Variants in VSX1 observed in about 807,000 individuals in gnomAD.
The protein encoded by VSX1 is visual system homeobox 1.
A neutral mutation model predicts 23.6 loss-of-function variants in VSX1; 23 were observed. The observed-to-expected ratio is 0.97, with a 90% CI of 0.70 to 1.38. VSX1 has a LOEUF of 1.38. Ranked by LOEUF, VSX1 falls within the 40% of genes most tolerant of loss-of-function variation. The pLI, the probability that VSX1 is intolerant of heterozygous loss-of-function variation, is 0.00. For synonymous variants in VSX1, 247 were observed against 215.1 expected, an observed-to-expected ratio of 1.15 and a Z score of -1.30; for missense variants, 517 against 495.4, an observed-to-expected ratio of 1.04 and a Z score of -0.41.
In VSX1 at chr20:25,075,933, T is replaced by C. The variant is rs1046201131; in HGVS notation, c.*328A>G. The C allele has an allele frequency of 1.2e-5, 5 of 408,114 alleles. No homozygotes were observed. Among genetic ancestry groups the C allele is most frequent in the African/African-American group, 1.0e-4 (5 of 49,118 alleles). The allele number at this position is 408,114 out of a possible 1,614,324, so 25.3% of individuals were successfully genotyped here. On this transcript the variant is annotated 3_prime_UTR_variant, in exon 5 of 5. Coordinates refer to ENST00000376709, the MANE Select transcript of VSX1 (RefSeq NM_014588.6). Reference sequence around the variant, plus strand: ...TAACCTATTCATCTATACAGTACATTGAACCACACATCTCAAATGATGCCC... The same window carrying C: ...TAACCTATTCATCTATACAGTACATCGAACCACACATCTCAAATGATGCCC...
At position 25,078,925 on chromosome 20, in the gene VSX1, T is replaced by C. The variant is rs778882393; in HGVS notation, c.531A>G (p.Glu177=). The change falls in exon 3 of 5, where the codon GAA becomes GAG. Residue 177 remains glutamate, a synonymous_variant. Coordinates refer to ENST00000376709, the MANE Select transcript of VSX1 (RefSeq NM_014588.6). ...HRTVFTAHQL[E]ELEKAFSEAH... is the part of the protein sequence containing the mutation. ...CCTCGCTGAATGCCTTCTCCAACTC[T>C]TCCAGCTGGTGAGCAGTGAAAACTG... The C allele has an allele frequency of 1.2e-6, 2 of 1,614,142 alleles. No homozygotes were observed. The highest frequency in any genetic ancestry group is 1.7e-6 in the Non-Finnish European group (2 of 1,180,038).
At chr20:25,076,799 C>T (rs978813232) in intron 4 of VSX1, among the ~76,000 whole-genome samples, 1 of 152,140 alleles carries the variant, frequency 6.6e-6, no homozygotes, top group Non-Finnish European at 1.5e-5. Flanking sequence ...CCCACTTTCC[C>T]CTAGGCTGCG....
At chr20:25,071,943 C>T (rs1275717970), downstream of VSX1, 1 of 663,548 alleles carries the variant, frequency 1.5e-6, no homozygotes, top group Non-Finnish European at 2.8e-6. Flanking sequence ...CATCAGGCAC[C>T]ACCACGGGGT....
intron 1 of VSX1, chr20:25,081,457 A>C: frequency 1.2e-6 from 1 of 811,296 alleles, no homozygotes; most frequent in Non-Finnish European, 2.2e-6. Context: ...CGCTGAGGGA[A>C]CAGGACCCCG....
Position 25,075,888 on chromosome 20 carries a change from G to A in VSX1, c.*373C>T, listed in dbSNP as rs1341375337. Reference sequence around the variant, plus strand: ...TTAAACAATTTTATATTTCCTAATTGAGAATGAGGACATCAGACCTAACCT... The same window carrying A: ...TTAAACAATTTTATATTTCCTAATTAAGAATGAGGACATCAGACCTAACCT... On this transcript the variant is annotated 3_prime_UTR_variant, in exon 5 of 5. Transcript: ENST00000376709. 2.6e-5 allele frequency: 6 copies of A among 228,830 alleles called. No individual in the cohort carries two copies. Among genetic ancestry groups the A allele is most frequent in the Non-Finnish European group, 5.2e-5 (6 of 115,808 alleles). 14.2% of individuals were successfully genotyped at this position (228,830 alleles called of 1,614,324 possible). A position where few individuals can be genotyped will look rare whatever the true frequency, so the allele number is the denominator to read the frequency against.
downstream of VSX1, chr20:25,071,623 G>A (rs1218702100): frequency 1.8e-6 from 1 of 546,140 alleles, no homozygotes; most frequent in Non-Finnish European, 3.5e-6. Flanking sequence ...TCTTAATAAG[G>A]AGGGGAGTTT....
chr20:25,074,208 T>C (rs183640818), downstream of VSX1, among the ~76,000 whole-genome samples: 13 of 152,328 alleles, frequency 8.5e-5, no homozygotes, highest in Admixed American at 7.2e-4. Context: ...AAAATGAGTG[T>C]TCTGCTGTCA....
chr20:25,076,170 A>T lies in VSX1; in HGVS notation c.*91T>A. The T allele has an allele frequency of 6.4e-7, 1 of 1,557,604 alleles. No homozygotes were observed. The highest frequency in any genetic ancestry group is 1.4e-5 in the African/African-American group (1 of 73,788). ...ACATTGTCAGAAGAAAATCAAACTG[A>T]GAGTATATGTCTTGGACAATTTTTG... On this transcript the variant is annotated 3_prime_UTR_variant, in exon 5 of 5. Coordinates refer to ENST00000376709, the MANE Select transcript of VSX1 (RefSeq NM_014588.6).
downstream of VSX1, chr20:25,070,997 A>C (rs1234876196): frequency 4.4e-6 from 2 of 453,992 alleles, no homozygotes; most frequent in Non-Finnish European, 8.8e-6. Context: ...TTAAAATGTC[A>C]GTATGAGACA....
At chr20:25,081,364 AT>A in intron 1 of VSX1, 5 of 654,610 alleles carry the variant, frequency 7.6e-6, no homozygotes, top group Admixed American at 1.8e-5. Context: ...GGGGGGAAAA[AT>A]GGCCCTCTGG....
At chr20:25,076,768 G>A (rs1568863087) in intron 4 of VSX1, among the ~76,000 whole-genome samples, 1 of 152,148 alleles carries the variant, frequency 6.6e-6, no homozygotes, top group African/African-American at 2.4e-5. Context: ...TGTTTAGGAT[G>A]ACACAGTGAT....
At chr20:25,076,815 G>A (rs1017033669) in intron 4 of VSX1, among the ~76,000 whole-genome samples, 3 of 152,152 alleles carry the variant, frequency 2.0e-5, no homozygotes, top group African/African-American at 4.8e-5. Flanking sequence ...CTGCGGTCTC[G>A]CAGATGCCAG....
Position 25,076,543 on chromosome 20 carries a change from A to C in VSX1, c.816T>G (p.His272Gln). 6.2e-7 allele frequency: 1 copy of C among 1,603,590 alleles called. No homozygotes were observed. The highest frequency in any genetic ancestry group is 8.5e-7 in the Non-Finnish European group (1 of 1,177,404). The part of the protein sequence containing the change: ...GSCAPWLLGM[H>Q]KKSMGMIRKP... ...TCCTTATCATCCCCATGGATTTTTT[A>C]TGCATCCCTTGTAAAAAAAAAAATA... The change falls in exon 5 of 5, where the codon CAT becomes CAG. Residue 272 changes from histidine to glutamine, a missense_variant. Transcript: ENST00000376709.
intron 1 of VSX1, 164 bp downstream of exon 1, chr20:25,081,509 C>T (rs6050306): frequency 0.25 from 261,878 of 1,066,094 alleles, 36,315 homozygotes; most frequent in African/African-American, 0.44. Context: ...GGGCAGGCGG[C>T]GCAGCTCCGC....
rs921538868 is a variant in VSX1, at chr20:25,081,328, A to G, written c.424+345T>C. The G allele has an allele frequency of 5.5e-6, 3 of 546,918 alleles. No homozygotes were observed. The East Asian group carries it at 1.3e-4, about 25-fold the overall frequency. 33.9% of individuals were successfully genotyped at this position (546,918 alleles called of 1,614,324 possible). On this transcript the variant is annotated intron_variant, in intron 1 of 4. Transcript: ENST00000376709. ...GGCCTTCCCGACCCACGCAGCTGCC[A>G]GAGGCGGAGACTGGCGCCTGGCGCT...
At chr20:25,071,547 G>A (rs901918119), downstream of VSX1, 2 of 460,892 alleles carry the variant, frequency 4.3e-6, no homozygotes, top group South Asian at 3.1e-5. Flanking sequence ...ACAATGCCCT[G>A]GTATGGACAG....
At position 25,076,482 on chromosome 20, in the gene VSX1, C is replaced by A. The variant is rs770159823; in HGVS notation, c.877G>T (p.Gly293Cys). 4.3e-6 allele frequency: 7 copies of A among 1,614,098 alleles called. No individual in the cohort carries two copies. In the South Asian group the frequency reaches 4.4e-5, roughly 10 times the overall value. ...GAACCTTCTTTGAAGTGGTCAGAGC[C>A]CCAGAGTCCTGCCAACTTATCTTCA... is the stretch of plus-strand genomic sequence containing the variant. The part of the protein sequence containing the change: ...GSEDKLAGLW[G>C]SDHFKEGSSQ... The change falls in exon 5 of 5, where the codon GGC becomes TGC. Residue 293 changes from glycine to cysteine, a missense_variant. Transcript: ENST00000376709.
At position 25,077,065 on chromosome 20, in the gene VSX1, C is replaced by T. The variant is rs530155622; in HGVS notation, c.809-515G>A. 3.9e-5 allele frequency among the ~76,000 whole-genome samples: 6 copies of T among 152,324 alleles called. No individual in the cohort carries two copies. The East Asian group carries it at 1.2e-3, about 29-fold the overall frequency. ...GATCCTCCTAACTAATTACCCCGTG[C>T]CCGGAGGTACTCATCTGTGACTCAT... On this transcript the variant is annotated intron_variant, in intron 4 of 4. Coordinates refer to ENST00000376709, the MANE Select transcript of VSX1 (RefSeq NM_014588.6).
At chr20:25,078,978 T>C in intron 2 of VSX1, 26 bp from the exon 3 acceptor site, 1 of 1,612,816 alleles carries the variant, frequency 6.2e-7, no homozygotes, top group Non-Finnish European at 8.5e-7. Context: ...AACACACAGG[T>C]GGGCACATGT....
Sources: allele counts gnomAD v4.1 joint callset (sites outside exome capture counted in the v4.1 genomes callset), GRCh38; gene constraint gnomAD v4.1.1; transcripts MANE v1.5; gene names NCBI Gene and HGNC (gene_info 2026-07-23, HGNC 2026-07-21).